The following NLGN4X variants were observed in gnomAD, a reference collection of about 807,000 sequenced individuals.
NLGN4X encodes neuroligin 4 X-linked.
NLGN4X carries 3 observed loss-of-function variants against 40.3 expected under a neutral mutation model. The ratio of observed to expected loss-of-function variants is 0.07; its 90% CI spans 0.03 to 0.19. NLGN4X has a LOEUF of 0.19. NLGN4X is among the 10% of genes least tolerant of loss of function. NLGN4X has a pLI of 1.00. For synonymous variants in NLGN4X, 270 were observed against 306.8 expected (o/e 0.88, Z 1.25); for missense variants, 382 against 708.3 (o/e 0.54, Z 5.23).
intron 1 of NLGN4X, among the ~76,000 whole-genome samples, chrX:6,218,780 T>C (rs1255507314): frequency 9.0e-6 from 1 of 111,728 alleles, no homozygotes; most frequent in African/African-American, 3.3e-5. Context: ...ACAGAAGTAT[T>C]CTCAACACTC....
At chrX:6,026,104 G>C (rs138573529) in intron 3 of NLGN4X, among the ~76,000 whole-genome samples, 5,788 of 109,706 alleles carry the variant, frequency 0.053, 327 homozygotes, top group African/African-American at 0.17. Context: ...AGAGGTAGAG[G>C]AAAGTTGTTA....
intron 2 of NLGN4X, among the ~76,000 whole-genome samples, chrX:6,075,704 C>T (rs1040760109): frequency 3.6e-5 from 4 of 110,988 alleles, no homozygotes; most frequent in African/African-American, 1.3e-4. Flanking sequence ...ACCTCCTTCC[C>T]CCCATTCTCT....
chrX:6,017,163 G>A (rs1442263640), intron 3 of NLGN4X, among the ~76,000 whole-genome samples: 1 of 111,682 alleles, frequency 9.0e-6, no homozygotes, highest in East Asian at 2.8e-4. Flanking sequence ...TAAGCTCAAC[G>A]GGTCACTTAC....
At chrX:6,049,511 G>T (rs2037422322) in intron 2 of NLGN4X, among the ~76,000 whole-genome samples, 1 of 109,351 alleles carries the variant, frequency 9.1e-6, no homozygotes, top group Admixed American at 9.8e-5. Flanking sequence ...GTCTGTCTTT[G>T]TTCAACCTTC....
chrX:6,128,515 T>C (rs778146806), intron 2 of NLGN4X, among the ~76,000 whole-genome samples: 1 of 112,371 alleles, frequency 8.9e-6, no homozygotes, highest in Admixed American at 9.5e-5. Context: ...TCTCTAATTA[T>C]GTAATGGATT....
chrX:6,120,597 C>T (rs1384512078), intron 2 of NLGN4X, among the ~76,000 whole-genome samples: 1 of 111,849 alleles, frequency 8.9e-6, no homozygotes, highest in Non-Finnish European at 1.9e-5. Context: ...CTGCAGTGTT[C>T]AGAAAGTAAG....
At chrX:6,037,445 A>G (rs1475748195) in intron 2 of NLGN4X, among the ~76,000 whole-genome samples, 1 of 111,922 alleles carries the variant, frequency 8.9e-6, no homozygotes, top group Non-Finnish European at 1.9e-5. Flanking sequence ...AAAACAATTT[A>G]AATCTGTATT....
intron 1 of NLGN4X, among the ~76,000 whole-genome samples, chrX:6,206,052 A>T (rs1206595365): frequency 8.9e-6 from 1 of 111,978 alleles, no homozygotes; most frequent in African/African-American, 3.3e-5. Flanking sequence ...AGACAGGTCC[A>T]ACTCACTCAT....
chrX:6,086,839 G>A (rs749905681), intron 2 of NLGN4X, among the ~76,000 whole-genome samples: 4 of 110,326 alleles, frequency 3.6e-5, no homozygotes, highest in Non-Finnish European at 5.7e-5. Flanking sequence ...TCATTATGTT[G>A]CCCAGCCTGG....
intron 2 of NLGN4X, among the ~76,000 whole-genome samples, chrX:6,071,856 T>C (rs1407516987): frequency 9.0e-6 from 1 of 110,816 alleles, no homozygotes; most frequent in Non-Finnish European, 1.9e-5. Context: ...GTCTTTCCTG[T>C]AGCCCAAGGA....
intron 3 of NLGN4X, among the ~76,000 whole-genome samples, chrX:6,021,751 T>TTG (rs1555950740): frequency 1.8e-5 from 2 of 110,558 alleles, no homozygotes; most frequent in African/African-American, 6.6e-5. Flanking sequence ...TTGTTTTTTT[T>TTG]TTTGTTTTGC....
chrX:6,072,503 G>GA (rs1248995328), intron 2 of NLGN4X, among the ~76,000 whole-genome samples: 4 of 111,590 alleles, frequency 3.6e-5, no homozygotes, highest in Non-Finnish European at 7.5e-5. Flanking sequence ...AGGACAGAGT[G>GA]AAAAAAGCAT....
At chrX:5,912,734 T>C (rs2032539481) in intron 3 of NLGN4X, among the ~76,000 whole-genome samples, 1 of 106,616 alleles carries the variant, frequency 9.4e-6, no homozygotes, top group Admixed American at 1.0e-4. Flanking sequence ...ATCTGTCTTC[T>C]TCTTTATTCA....
chrX:5,997,345 T>C (rs2035847226), intron 3 of NLGN4X, among the ~76,000 whole-genome samples: 1 of 106,798 alleles, frequency 9.4e-6, no homozygotes, highest in African/African-American at 3.4e-5. Flanking sequence ...TGTATTGATA[T>C]TCTCCAATGA....
intron 1 of NLGN4X, among the ~76,000 whole-genome samples, chrX:6,157,436 T>A (rs183493176): frequency 0.01 from 1,154 of 111,633 alleles, 13 homozygotes; most frequent in African/African-American, 0.035. Flanking sequence ...CTTTCTAGAG[T>A]AAACTATGTG....
intron 3 of NLGN4X, among the ~76,000 whole-genome samples, chrX:5,951,851 A>T (rs1470902652): frequency 8.9e-6 from 1 of 112,026 alleles, no homozygotes; most frequent in African/African-American, 3.2e-5. Context: ...CTAGGGGGAC[A>T]ACTACCGCAA....
At chrX:6,166,344 C>G (rs2040495573) in intron 1 of NLGN4X, among the ~76,000 whole-genome samples, 1 of 111,682 alleles carries the variant, frequency 9.0e-6, no homozygotes, top group Non-Finnish European at 1.9e-5. Context: ...AATCCTCTCA[C>G]CTCAGCCTCC....
At chrX:5,902,936 G>A in intron 5 of NLGN4X, 141 bp downstream of exon 5, 2 of 676,340 alleles carry the variant, frequency 3.0e-6, no homozygotes, top group Non-Finnish European at 4.7e-6. Context: ...GTAAGCGTGT[G>A]TCTGTGTGTA....
intron 2 of NLGN4X, among the ~76,000 whole-genome samples, chrX:6,135,282 T>G (rs73444282): frequency 9.0e-6 from 1 of 111,236 alleles, no homozygotes; most frequent in Non-Finnish European, 1.9e-5. Context: ...TATCTCTCTA[T>G]GTCACTAAGA....
Sources: gnomAD v4.1 joint callset for allele counts (sites outside exome capture counted in the v4.1 genomes callset) on GRCh38, gnomAD v4.1.1 for gene constraint, MANE v1.5 for transcripts, NCBI Gene and HGNC (gene_info 2026-07-23, HGNC 2026-07-21) for gene names.